KASH5: variants seen among roughly 807,000 people sequenced by gnomAD.
KASH5 encodes the protein KASH domain containing 5.
Under a neutral mutation model 84.2 loss-of-function variants are expected in KASH5, and 72 were observed. That is an observed-to-expected ratio of 0.85 (90% CI 0.71 to 1.04). KASH5 has a LOEUF of 1.04. Ranked by LOEUF, KASH5 falls within the 50% of genes least tolerant of loss-of-function variation. KASH5 has a pLI of 0.00. For missense variants in KASH5, 650 were observed against 701.0 expected, an observed-to-expected ratio of 0.93 and a Z score of 0.82; for synonymous variants, 260 against 279.1, an observed-to-expected ratio of 0.93 and a Z score of 0.68.
intron 9 of KASH5, among the ~76,000 whole-genome samples, chr19:49,404,966 G>T (rs151277168): frequency 6.6e-6 from 1 of 152,128 alleles, no homozygotes; most frequent in African/African-American, 2.4e-5. Context: ...TAATCTGAAC[G>T]CACCAATCCT....
intron 15 of KASH5, among the ~76,000 whole-genome samples, chr19:49,410,140 G>GT (rs1239228719): frequency 2.0e-5 from 3 of 152,136 alleles, no homozygotes; most frequent in Non-Finnish European, 4.4e-5. Flanking sequence ...TTGTTGGTTT[G>GT]TTTTTTAGAA....
At chr19:49,413,101 T>C (rs2122224173) in intron 16 of KASH5, 75 bp downstream of exon 16, 3 of 1,410,250 alleles carry the variant, frequency 2.1e-6, no homozygotes, top group South Asian at 2.3e-5. Flanking sequence ...GGACTGGATG[T>C]GCCCTGAGGG....
At chr19:49,413,557 C>T (rs1359016191) in intron 16 of KASH5, among the ~76,000 whole-genome samples, 1 of 152,214 alleles carries the variant, frequency 6.6e-6, no homozygotes, top group Non-Finnish European at 1.5e-5. Context: ...ACTAATGAGG[C>T]TGCCTGCCAA....
intron 9 of KASH5, among the ~76,000 whole-genome samples, chr19:49,402,812 A>G (rs2099456402): frequency 6.6e-6 from 1 of 152,236 alleles, no homozygotes; most frequent in African/African-American, 2.4e-5. Flanking sequence ...TACATGGATA[A>G]TATGGCCACT....
At chr19:49,400,225 C>A (rs1162854828) in intron 9 of KASH5, among the ~76,000 whole-genome samples, 968 of 80,444 alleles carry the variant, frequency 0.012, no homozygotes, top group African/African-American at 0.019. Context: ...GAGAGCCTCT[C>A]AAAAAAAAAA....
Position 49,414,809 on chromosome 19 carries a change from C to T in KASH5, c.1329-142C>T. 1 of 725,814 alleles carries T rather than the reference C, an allele frequency of 1.4e-6. No individual in the cohort carries two copies. The highest frequency in any genetic ancestry group is 1.5e-5 in the South Asian group (1 of 66,056). The allele number at this position is 725,814 out of a possible 1,614,324, so 45.0% of individuals were successfully genotyped here. ...CTGGCCTCCCCCAGGCCCGTCCGTG[C>T]TGCCTGGCCTCCCCCAGGCCCGTCC... On this transcript the variant is annotated intron_variant, in intron 16 of 19. Transcript: ENST00000447857. The surrounding 1 kb of genome is among the most constrained non-coding windows in gnomAD (Gnocchi z 4.5).
chr19:49,394,615 C>T (rs376201969), intron 3 of KASH5, 35 bp downstream of exon 3: 32 of 1,527,246 alleles, frequency 2.1e-5, no homozygotes, highest in Non-Finnish European at 2.5e-5. Context: ...GGGACCAGTG[C>T]GGGCAGGATG....
rs1038195980 is a variant in KASH5 at position 49,417,958 on chromosome 19, T to G, written c.*448T>G. The G allele has an allele frequency of 1.9e-5, 3 of 157,284 alleles. No homozygotes were observed. The highest frequency in any genetic ancestry group is 7.2e-5 in the African/African-American group (3 of 41,640). 9.7% of individuals were successfully genotyped at this position (157,284 alleles called of 1,614,324 possible). ...TGCAGTGGGTAGATTCAAATCATATTCATAATAAAAGAGAAGCAGTTGCCT... is the reference window on the plus strand; with the variant it reads ...TGCAGTGGGTAGATTCAAATCATATGCATAATAAAAGAGAAGCAGTTGCCT... On this transcript the variant is annotated 3_prime_UTR_variant, in exon 20 of 20. Transcript: ENST00000447857. This position sits in a 1 kb window ranked among gnomAD's most constrained non-coding sequence, Gnocchi z 5.2.
At chr19:49,407,550 C>T in intron 11 of KASH5, 62 bp from the exon 12 acceptor site, 1 of 1,523,846 alleles carries the variant, frequency 6.6e-7, no homozygotes, top group Non-Finnish European at 8.9e-7. Flanking sequence ...CCCCCCGCCA[C>T]CACCACCCCC....
intron 17 of KASH5, chr19:49,415,334 A>C: frequency 2.6e-6 from 1 of 386,766 alleles, no homozygotes. Flanking sequence ...CACTCGGGAG[A>C]GGTTGGGCCG....
At position 49,417,636 on chromosome 19, in the gene KASH5, C is replaced by CATCCCTGT; in HGVS notation, c.*129_*136dup. The CATCCCTGT allele has an allele frequency of 8.5e-7, 1 of 1,175,014 alleles. No individual in the cohort carries two copies. Among genetic ancestry groups the CATCCCTGT allele is most frequent in the South Asian group, 2.4e-5 (1 of 42,470 alleles). 72.8% of individuals were successfully genotyped at this position (1,175,014 alleles called of 1,614,324 possible). A position where few individuals can be genotyped will look rare whatever the true frequency, so the allele number is the denominator to read the frequency against. ...CCCTAGATAGAGTACAGGGGATCCA[C>CATCCCTGT]ATCCCTGTATTTTTATGTGAAGTCT... On this transcript the variant is annotated 3_prime_UTR_variant, in exon 20 of 20. Coordinates refer to ENST00000447857, the MANE Select transcript of KASH5 (RefSeq NM_144688.5). The surrounding 1 kb of genome is among the most constrained non-coding windows in gnomAD (Gnocchi z 5.2).
chr19:49,403,731 A>G lies in KASH5; in HGVS notation c.799-3155A>G, dbSNP rs185405502. 4.1e-3 allele frequency among the ~76,000 whole-genome samples: 628 copies of G among 152,304 alleles called. 6 individuals carry two copies. Among genetic ancestry groups the G allele is most frequent in the Non-Finnish European group, 6.1e-3 (418 of 68,018 alleles). ...AGCAGAAGGAGTAAGCAGGGTAAAT[A>G]GCAACCAGCAGTCTCATCTCTACCT... On this transcript the variant is annotated intron_variant, in intron 9 of 19. Transcript: ENST00000447857.
chr19:49,409,073 C>T, intron 13 of KASH5, 42 bp downstream of exon 13: 1 of 1,579,578 alleles, frequency 6.3e-7, no homozygotes, highest in Non-Finnish European at 8.6e-7. Flanking sequence ...AGGAGGGGAG[C>T]CTAAGGGCAG....
At chr19:49,394,045 C>T (rs1600896961) in intron 2 of KASH5, among the ~76,000 whole-genome samples, 1 of 152,130 alleles carries the variant, frequency 6.6e-6, no homozygotes, top group Non-Finnish European at 1.5e-5. Flanking sequence ...CAGGCGGGAT[C>T]GATCTGGGCT....
At chr19:49,403,817 TCGGCCCTCGATAAA>T (rs1974441762) in intron 9 of KASH5, among the ~76,000 whole-genome samples, 2 of 152,306 alleles carry the variant, frequency 1.3e-5, no homozygotes, top group African/African-American at 4.8e-5. Context: ...TGGGACACCC[TCGGCCCTCGATAAA>T]CTGGAGCTAT....
chr19:49,391,624 T>G (rs1271544326), intron 2 of KASH5: 3 of 151,826 alleles, frequency 2.0e-5, no homozygotes, highest in Non-Finnish European at 2.9e-5. Context: ...TACTAAGCCC[T>G]AAAGATCTAG....
At chr19:49,394,236 T>G (rs938045349) in intron 2 of KASH5, among the ~76,000 whole-genome samples, 18 of 152,014 alleles carry the variant, frequency 1.2e-4, no homozygotes, top group African/African-American at 4.4e-4. Context: ...CCTAAGCCAA[T>G]TGGACACAAA....
intron 9 of KASH5, among the ~76,000 whole-genome samples, chr19:49,403,053 C>T (rs1050398899): frequency 5.3e-5 from 8 of 151,992 alleles, no homozygotes; most frequent in African/African-American, 1.5e-4. Flanking sequence ...AGTAGGAAAA[C>T]GTGGGGCAAA....
At chr19:49,388,906 C>A (rs1973901033) in intron 1 of KASH5, among the ~76,000 whole-genome samples, 1 of 152,030 alleles carries the variant, frequency 6.6e-6, no homozygotes, top group African/African-American at 2.4e-5. Context: ...CCCCAGAAAT[C>A]CTGGCAGGTC....
Sources: gnomAD v4.1 joint callset for allele counts (sites outside exome capture counted in the v4.1 genomes callset) on GRCh38, gnomAD v4.1.1 for gene constraint, Gnocchi (gnomAD v3.1) non-coding constraint, MANE v1.5 for transcripts, NCBI Gene and HGNC (gene_info 2026-07-23, HGNC 2026-07-21) for gene names.